CACNA1I: variants seen among roughly 807,000 people sequenced by gnomAD.
The protein encoded by CACNA1I is calcium voltage-gated channel subunit alpha1 I, also known as voltage-dependent T-type calcium channel subunit alpha-1I.
In CACNA1I, 74 loss-of-function variants were observed where a neutral mutation model predicts 201.6. That is an observed-to-expected ratio of 0.37 (90% CI 0.30 to 0.45). The LOEUF is 0.45. Ranked by LOEUF, CACNA1I falls within the 20% of genes least tolerant of loss-of-function variation. The probability of loss-of-function intolerance (pLI) is 1.00; values close to 1 mark genes in which losing one functional copy is unlikely to be tolerated. For missense variants in CACNA1I, 2,346 were observed against 3,138.1 expected, an observed-to-expected ratio of 0.75 and a Z score of 6.03; for synonymous variants, 1,431 against 1,345.2, an observed-to-expected ratio of 1.06 and a Z score of -1.40.
rs117623513 is a variant in CACNA1I at position 39,615,992 on chromosome 22, G to T, written c.483-3318G>T. On this transcript the variant is annotated intron_variant, in intron 3 of 36. Transcript: ENST00000402142. ...CCAGATTCTACAGGAACGTTTTCTT[G>T]GGGGAGCTTTTCACCGGGGTCTGAG... Among the ~76,000 whole-genome samples the T allele has an allele frequency of 3.3e-4, 50 of 152,290 alleles. No homozygotes were observed. In the East Asian group the frequency reaches 8.7e-3, roughly 26 times the overall value.
At chr22:39,593,270 G>C (rs775781717) in intron 1 of CACNA1I, among the ~76,000 whole-genome samples, 1 of 152,254 alleles carries the variant, frequency 6.6e-6, no homozygotes, top group African/African-American at 2.4e-5. Flanking sequence ...AGCTCTCCAG[G>C]CTTGTTCCTT....
chr22:39,619,224 G>A lies in CACNA1I; in HGVS notation c.483-86G>A, dbSNP rs189266864. On this transcript the variant is annotated intron_variant, in intron 3 of 36. Transcript: ENST00000402142. ...ACTTGCCCTGTCCAGGCAGTAGTGC[G>A]CAGGTGGCTGGAGAATGCTGTGGCC... The A allele has an allele frequency of 4.0e-5, 39 of 975,116 alleles. No individual in the cohort carries two copies. The East Asian group carries it at 6.7e-4, about 17-fold the overall frequency. The allele number at this position is 975,116 out of a possible 1,614,324, so 60.4% of individuals were successfully genotyped here.
chr22:39,581,139 T>A (rs1389347551), intron 1 of CACNA1I, among the ~76,000 whole-genome samples: 1 of 152,140 alleles, frequency 6.6e-6, no homozygotes, highest in Non-Finnish European at 1.5e-5. Context: ...CAGCTTGTTC[T>A]GAGTGGGGAT....
intron 25 of CACNA1I, 99 bp from the exon 26 acceptor site, chr22:39,670,704 C>G: frequency 3.4e-6 from 4 of 1,163,632 alleles, no homozygotes; most frequent in Non-Finnish European, 3.8e-6. Context: ...CCTCTTTGCC[C>G]CCTCCCTTTC....
rs778113055 is a variant in CACNA1I at position 39,662,409 on chromosome 22, G to C, written c.3346G>C (p.Gly1116Arg). ...FTKMGDRGDR[G>R]EDEEEIDYTL... ...CAAGATGGGCGACCGCGGGGATCGC[G>C]GGGAGGATGAGGAGGAAATCGACTA... The change falls in exon 17 of 37, where the codon GGG becomes CGG. Residue 1116 changes from glycine (G) to arginine (R), a missense_variant. Gly to Arg is a moderately radical substitution (Grantham distance 125). Around this residue, in one of 13 missense-constraint regions of CACNA1I, gnomAD observed 158 missense variants for 231.6 expected, o/e 0.68. Coordinates refer to ENST00000402142, the MANE Select transcript of CACNA1I (RefSeq NM_021096.4). 192 of 1,460,424 alleles carry C rather than the reference G, an allele frequency of 1.3e-4. No individual in the cohort carries two copies. Among genetic ancestry groups the C allele is most frequent in the Non-Finnish European group, 1.6e-4 (183 of 1,115,928 alleles). The allele number at this position is 1,460,424 out of a possible 1,614,324, so 90.5% of individuals were successfully genotyped here. A position where few individuals can be genotyped will look rare whatever the true frequency, so the allele number is the denominator to read the frequency against.
At chr22:39,637,853 A>G (rs1934258460) in intron 5 of CACNA1I, among the ~76,000 whole-genome samples, 1 of 152,066 alleles carries the variant, frequency 6.6e-6, no homozygotes, top group South Asian at 2.1e-4. Context: ...TTCTTTTAGG[A>G]ACTTACTTTT....
intron 1 of CACNA1I, among the ~76,000 whole-genome samples, chr22:39,584,001 T>A (rs1383114161): frequency 6.6e-6 from 1 of 152,186 alleles, no homozygotes; most frequent in Non-Finnish European, 1.5e-5. Flanking sequence ...CCAAGAGTGC[T>A]GTCACAGAGG....
In CACNA1I at chr22:39,666,721, C is replaced by A. The variant is rs765766853; in HGVS notation, c.4104+715C>A. 1.3e-5 allele frequency among the ~76,000 whole-genome samples: 2 copies of A among 152,228 alleles called. No homozygotes were observed. Among genetic ancestry groups the A allele is most frequent in the Non-Finnish European group, 2.9e-5 (2 of 68,032 alleles). On this transcript the variant is annotated intron_variant, in intron 23 of 36. Coordinates refer to ENST00000402142, the MANE Select transcript of CACNA1I (RefSeq NM_021096.4). This position sits in a 1 kb window ranked among gnomAD's most constrained non-coding sequence, Gnocchi z 4.1. ...CAGGGAGGAGCAGGCTCCAGGCCCT[C>A]GTCCCCCACTGGCTGATGGGCAGCC... is the stretch of plus-strand genomic sequence containing the variant.
intron 7 of CACNA1I, among the ~76,000 whole-genome samples, chr22:39,646,205 C>T (rs536386517): frequency 1.3e-5 from 2 of 152,182 alleles, no homozygotes; most frequent in African/African-American, 4.8e-5. Context: ...GCCTGTGTCT[C>T]TCTGGGCCCC....
At chr22:39,594,490 C>T (rs912484674) in intron 1 of CACNA1I, among the ~76,000 whole-genome samples, 1 of 152,098 alleles carries the variant, frequency 6.6e-6, no homozygotes, top group Non-Finnish European at 1.5e-5. Flanking sequence ...GCCCTGGCAG[C>T]GACTGAAATT....
Position 39,685,829 on chromosome 22 carries a change from C to G in CACNA1I, c.6096C>G (p.Leu2032=). The G allele has an allele frequency of 1.3e-6, 2 of 1,495,102 alleles. No individual in the cohort carries two copies. Among genetic ancestry groups the G allele is most frequent in the Non-Finnish European group, 1.8e-6 (2 of 1,129,982 alleles). 92.6% of individuals were successfully genotyped at this position (1,495,102 alleles called of 1,614,324 possible). A position where few individuals can be genotyped will look rare whatever the true frequency, so the allele number is the denominator to read the frequency against. ...SSSAGSLQTT[L]EDSLTLSDSP... Reference sequence around the variant, plus strand: ...CCGCGGGCAGCCTGCAGACCACGCTCGAGGACAGCCTGACCCTGAGCGACA... The same window carrying G: ...CCGCGGGCAGCCTGCAGACCACGCTGGAGGACAGCCTGACCCTGAGCGACA... Residue 2032 remains leucine, a synonymous_variant, in exon 37 of 37, where the codon CTC becomes CTG. Coordinates refer to ENST00000402142, the MANE Select transcript of CACNA1I (RefSeq NM_021096.4). This position sits in a 1 kb window ranked among gnomAD's most constrained non-coding sequence, Gnocchi z 5.0.
chr22:39,665,386 C>A lies in CACNA1I; in HGVS notation c.3852-112C>A. ...CCCCAGGGTGTTCAGCCCTGGTGAG[C>A]CCTGGGGACTCATGCCCTGGGATAC... is the stretch of plus-strand genomic sequence containing the variant. On this transcript the variant is annotated intron_variant, in intron 21 of 36. Transcript: ENST00000402142. This position sits in a 1 kb window ranked among gnomAD's most constrained non-coding sequence, Gnocchi z 5.5. The A allele has an allele frequency of 1.5e-6, 2 of 1,308,924 alleles. No individual in the cohort carries two copies. Among genetic ancestry groups the A allele is most frequent in the South Asian group, 1.4e-5 (1 of 73,332 alleles). 81.1% of individuals were successfully genotyped at this position (1,308,924 alleles called of 1,614,324 possible). A position where few individuals can be genotyped will look rare whatever the true frequency, so the allele number is the denominator to read the frequency against.
rs1197061304 is a variant in CACNA1I at position 39,676,321 on chromosome 22, T to G, written c.4855-1020T>G. Among the ~76,000 whole-genome samples the G allele has an allele frequency of 5.9e-5, 9 of 152,220 alleles. No individual in the cohort carries two copies. Among genetic ancestry groups the G allele is most frequent in the African/African-American group, 1.9e-4 (8 of 41,454 alleles). ...TATTAATGAAGGGAACATCATTTAA[T>G]TAGTCAGACACTAGCAGTGTAGAAC... is the stretch of plus-strand genomic sequence containing the variant. On this transcript the variant is annotated intron_variant, in intron 29 of 36. Coordinates refer to ENST00000402142, the MANE Select transcript of CACNA1I (RefSeq NM_021096.4). This position sits in a 1 kb window ranked among gnomAD's most constrained non-coding sequence, Gnocchi z 4.8.
chr22:39,580,047 C>A (rs1294891592), intron 1 of CACNA1I, among the ~76,000 whole-genome samples: 1 of 152,144 alleles, frequency 6.6e-6, no homozygotes, highest in Non-Finnish European at 1.5e-5. Flanking sequence ...AGAGATCCAC[C>A]CCATGACCCA....
chr22:39,570,860 A>C lies in CACNA1I; in HGVS notation c.108A>C (p.Pro36=). 2 of 1,613,374 alleles carry C rather than the reference A, an allele frequency of 1.2e-6. No individual in the cohort carries two copies. Among genetic ancestry groups the C allele is most frequent in the Non-Finnish European group, 1.7e-6 (2 of 1,179,634 alleles). The part of the protein sequence containing the change: ...PGPRSPPSSP[P]GLEEPLDGAD... ...CCCGGAGCCCCCCATCCTCCCCGCC[A>C]GGCCTGGAGGAGCCTCTGGATGGAG... Residue 36 remains proline (P), a synonymous_variant, in exon 1 of 37, where the codon CCA becomes CCC. Transcript: ENST00000402142.
chr22:39,588,842 C>T (rs1001890882), intron 1 of CACNA1I, among the ~76,000 whole-genome samples: 2 of 152,204 alleles, frequency 1.3e-5, no homozygotes, highest in African/African-American at 4.8e-5. Flanking sequence ...CTTCTCCTGG[C>T]TCTTAACTTC....
In CACNA1I at chr22:39,665,479, G is replaced by T; in HGVS notation, c.3852-19G>T. 6.2e-7 allele frequency: 1 copy of T among 1,613,110 alleles called. No homozygotes were observed. Among genetic ancestry groups the T allele is most frequent in the Non-Finnish European group, 8.5e-7 (1 of 1,179,618 alleles). On this transcript the variant is annotated intron_variant, in intron 21 of 36. Coordinates refer to ENST00000402142, the MANE Select transcript of CACNA1I (RefSeq NM_021096.4). This position sits in a 1 kb window ranked among gnomAD's most constrained non-coding sequence, Gnocchi z 5.5. ...CCTGGCCAAGGGATTATGTGTGCCT[G>T]GCCTCTCCCTGCCGTCAGTGTCATC...
rs574176572 is a variant in CACNA1I, at chr22:39,682,728, G to A, written c.5830+67G>A. On this transcript the variant is annotated intron_variant, in intron 35 of 36. Coordinates refer to ENST00000402142, the MANE Select transcript of CACNA1I (RefSeq NM_021096.4). ...TTGGGCATCTGCTTCAGAGGGAGATGGCTGAGTTTTTTCCTTAGTATTTTT... is the reference window on the plus strand; with the variant it reads ...TTGGGCATCTGCTTCAGAGGGAGATAGCTGAGTTTTTTCCTTAGTATTTTT... 6 of 1,423,804 alleles carry A rather than the reference G, an allele frequency of 4.2e-6. No individual in the cohort carries two copies. In the South Asian group the frequency reaches 6.6e-5, roughly 16 times the overall value. The allele number at this position is 1,423,804 out of a possible 1,614,324, so 88.2% of individuals were successfully genotyped here. A position where few individuals can be genotyped will look rare whatever the true frequency, so the allele number is the denominator to read the frequency against.
Position 39,686,458 on chromosome 22 carries a change from C to T in CACNA1I, c.*53C>T, listed in dbSNP as rs1419370089. On this transcript the variant is annotated 3_prime_UTR_variant, in exon 37 of 37. Transcript: ENST00000402142. ...CGCCCGCCCCGTCTCACCTTCTTTA[C>T]CTCAGGAGCCAGGAGCAGACAGCAA... 32 of 1,157,678 alleles carry T rather than the reference C, an allele frequency of 2.8e-5. No individual in the cohort carries two copies. The highest frequency in any genetic ancestry group is 2.8e-5 in the Non-Finnish European group (26 of 921,496). 71.7% of individuals were successfully genotyped at this position (1,157,678 alleles called of 1,614,324 possible).
Sources: allele counts gnomAD v4.1 joint callset (sites outside exome capture counted in the v4.1 genomes callset), GRCh38; gene constraint gnomAD v4.1.1; regional missense constraint gnomAD v4.1.1; non-coding constraint Gnocchi (gnomAD v3.1); transcripts MANE v1.5; gene names NCBI Gene and HGNC (gene_info 2026-07-23, HGNC 2026-07-21).